The following MGAM2 variants were observed in gnomAD, a reference collection of about 807,000 sequenced individuals.
The protein encoded by MGAM2 is probable maltase-glucoamylase 2.
Under a neutral mutation model 96.1 loss-of-function variants are expected in MGAM2, and 98 were observed. The observed-to-expected ratio is 1.02, with a 90% CI of 0.87 to 1.21. The LOEUF is 1.21. MGAM2 is among the 50% of genes most tolerant of loss of function. The probability of loss-of-function intolerance (pLI) is 0.00; values close to 1 mark genes in which losing one functional copy is unlikely to be tolerated. For synonymous variants in MGAM2, 749 were observed against 414.8 expected (o/e 1.81, Z -9.79); for missense variants, 2,055 against 1,182.4 (o/e 1.74, Z -10.82).
At chr7:142,157,435 A>G (rs1027618823) in intron 17 of MGAM2, among the ~76,000 whole-genome samples, 1 of 149,598 alleles carries the variant, frequency 6.7e-6, no homozygotes, top group African/African-American at 2.5e-5. Context: ...TTCTGTTGCC[A>G]GTTTGGAGTG....
At chr7:142,169,719 C>A (rs1796135148) in intron 26 of MGAM2, among the ~76,000 whole-genome samples, 1 of 151,646 alleles carries the variant, frequency 6.6e-6, no homozygotes, top group Non-Finnish European at 1.5e-5. Flanking sequence ...CATGCATGCA[C>A]ACACACACAC....
At chr7:142,174,160 G>A (rs1297920817) in intron 31 of MGAM2, among the ~76,000 whole-genome samples, 1 of 152,052 alleles carries the variant, frequency 6.6e-6, no homozygotes, top group African/African-American at 2.4e-5. Context: ...TTGGCTATTC[G>A]GGCTCATTTT....
At position 142,218,453 on chromosome 7, in the gene MGAM2, C is replaced by A; in HGVS notation, c.5280C>A (p.Thr1760=). Reference sequence around the variant, plus strand: ...ATATTAGAATCTGGGGTGTGAATACCTATGTGACACAAGTCAGTTTCACCT... The same window carrying A: ...ATATTAGAATCTGGGGTGTGAATACATATGTGACACAAGTCAGTTTCACCT... ...VGYIRIWGVN[T]YVTQVSFTYD... The change falls in exon 47 of 48, where the codon ACC becomes ACA. Residue 1760 remains threonine (T), a synonymous_variant. Coordinates refer to ENST00000477922, the MANE Select transcript of MGAM2 (RefSeq NM_001293626.2). 1.4e-6 allele frequency: 1 copy of A among 702,118 alleles called. No homozygotes were observed. The highest frequency in any genetic ancestry group is 1.5e-5 in the South Asian group (1 of 67,386). The allele number at this position is 702,118 out of a possible 1,614,324, so 43.5% of individuals were successfully genotyped here. A position where few individuals can be genotyped will look rare whatever the true frequency, so the allele number is the denominator to read the frequency against.
intron 2 of MGAM2, among the ~76,000 whole-genome samples, chr7:142,119,246 T>C (rs1794477188): frequency 6.6e-6 from 1 of 152,086 alleles, no homozygotes; most frequent in Admixed American, 6.6e-5. Context: ...AAAAAAGGTT[T>C]CTAAATGAGT....
At chr7:142,219,838 A>G (rs751607734) in intron 47 of MGAM2, 32 bp from the exon 48 acceptor site, 1 of 654,960 alleles carries the variant, frequency 1.5e-6, no homozygotes, top group Non-Finnish European at 2.8e-6. Flanking sequence ...GAAGTTCTAA[A>G]ATACCCATTT....
intron 15 of MGAM2, among the ~76,000 whole-genome samples, chr7:142,152,279 T>A (rs1251535497): frequency 6.6e-6 from 1 of 152,142 alleles, no homozygotes; most frequent in Non-Finnish European, 1.5e-5. Flanking sequence ...TTGGTTTCAC[T>A]CTGTGTAAGC....
rs757848462 is a variant in MGAM2 at position 142,198,611 on chromosome 7, C to T, written c.4924-4C>T. 8.5e-6 allele frequency: 6 copies of T among 702,488 alleles called. No individual in the cohort carries two copies. Among genetic ancestry groups the T allele is most frequent in the South Asian group, 4.4e-5 (3 of 67,498 alleles). 43.5% of individuals were successfully genotyped at this position (702,488 alleles called of 1,614,324 possible). On this transcript the variant is annotated splice_polypyrimidine_tract_variant and splice_region_variant and intron_variant, in intron 43 of 47. Coordinates refer to ENST00000477922, the MANE Select transcript of MGAM2 (RefSeq NM_001293626.2). ...CCATTTTTTGCCTGTATTCTCCTTT[C>T]TAGGGAACTAGCAGCACATCAACAG...
intron 2 of MGAM2, among the ~76,000 whole-genome samples, chr7:142,117,894 A>G (rs574311811): frequency 6.6e-6 from 1 of 151,726 alleles, no homozygotes; most frequent in Admixed American, 6.6e-5. Flanking sequence ...ACCTTAAACC[A>G]CATTCTGATT....
intron 10 of MGAM2, among the ~76,000 whole-genome samples, chr7:142,139,203 G>A (rs1053901366): frequency 6.6e-6 from 1 of 152,158 alleles, no homozygotes; most frequent in Non-Finnish European, 1.5e-5. Flanking sequence ...CTTCATGGTT[G>A]CATCAGTGTT....
At position 142,189,494 on chromosome 7, in the gene MGAM2, ACCCACATACGAGT is replaced by A. The variant is rs1796803471; in HGVS notation, c.4336_4346+2del. The A allele has an allele frequency of 2.4e-6, 2 of 847,254 alleles. No homozygotes were observed. Among genetic ancestry groups the A allele is most frequent in the Admixed American group, 2.2e-5 (1 of 46,298 alleles). 52.5% of individuals were successfully genotyped at this position (847,254 alleles called of 1,614,324 possible). A position where few individuals can be genotyped will look rare whatever the true frequency, so the allele number is the denominator to read the frequency against. ...ACCTGTACGGGTGGTCCCAGACCAGACCCACATACGAGTGAGTGTCTTTTTGTCACAGCAGCAA... is the reference window on the plus strand; with the variant it reads ...ACCTGTACGGGTGGTCCCAGACCAGAGAGTGTCTTTTTGTCACAGCAGCAA... On this transcript the variant is annotated splice_donor_variant and coding_sequence_variant, in exon 37 of 48. Coordinates refer to ENST00000477922, the MANE Select transcript of MGAM2 (RefSeq NM_001293626.2). LOFTEE classifies it high-confidence loss of function.
intron 1 of MGAM2, among the ~76,000 whole-genome samples, chr7:142,114,958 GTAA>G (rs1817336691): frequency 6.6e-6 from 1 of 152,184 alleles, no homozygotes; most frequent in South Asian, 2.1e-4. Flanking sequence ...GGCTCATGCT[GTAA>G]TCCCAGCACT....
intron 12 of MGAM2, among the ~76,000 whole-genome samples, chr7:142,142,182 C>A (rs945512657): frequency 2.9e-4 from 44 of 151,822 alleles, no homozygotes; most frequent in African/African-American, 1.1e-3. Flanking sequence ...TTGATTCTAA[C>A]TTTTCATGAA....
rs192675477 is a variant in MGAM2, at chr7:142,169,294, C to T, written c.3028-781C>T. Reference sequence around the variant, plus strand: ...AAAATTAGCCAGGCCTGGTGGTGCGCACCTGTAGTTCTAGCTACTCAGGAG... The same window carrying T: ...AAAATTAGCCAGGCCTGGTGGTGCGTACCTGTAGTTCTAGCTACTCAGGAG... On this transcript the variant is annotated intron_variant, in intron 26 of 47. Transcript: ENST00000477922. 2.6e-5 allele frequency among the ~76,000 whole-genome samples: 4 copies of T among 152,162 alleles called. No individual in the cohort carries two copies. In the East Asian group the frequency reaches 5.8e-4, roughly 22 times the overall value.
chr7:142,215,432 A>G (rs1051344665), intron 46 of MGAM2, among the ~76,000 whole-genome samples: 1 of 151,680 alleles, frequency 6.6e-6, no homozygotes, highest in Non-Finnish European at 1.5e-5. Context: ...TGTTCTGCAC[A>G]TGTATCCCAG....
rs770839578 is a variant in MGAM2, at chr7:142,132,042, C to A, written c.532C>A (p.Pro178Thr). Residue 178 changes from proline (P) to threonine (T), a missense_variant, in exon 6 of 48, where the codon CCT becomes ACT. By Grantham distance (38) the Pro-to-Thr change is conservative. Coordinates refer to ENST00000477922, the MANE Select transcript of MGAM2 (RefSeq NM_001293626.2). ...CTATTACGTGGAGGTTACTGATAAA[C>A]CTTTCAGCATCAAAATAATGAGGAC... ...LSYYVEVTDK[P>T]FSIKIMRTSN... The A allele has an allele frequency of 2.8e-6, 2 of 703,090 alleles. No homozygotes were observed. The highest frequency in any genetic ancestry group is 3.0e-5 in the South Asian group (2 of 67,574). 43.6% of individuals were successfully genotyped at this position (703,090 alleles called of 1,614,324 possible).
chr7:142,142,523 T>TG (rs1317231305), intron 12 of MGAM2, among the ~76,000 whole-genome samples: 1 of 142,426 alleles, frequency 7.0e-6, no homozygotes, highest in East Asian at 2.0e-4. Context: ...TAGTGGTGTG[T>TG]GTTTTTTTTT....
At chr7:142,196,351 A>G in intron 38 of MGAM2, 64 bp downstream of exon 38, 2 of 674,664 alleles carry the variant, frequency 3.0e-6, no homozygotes, top group South Asian at 1.6e-5. Flanking sequence ...GTGCTGTTCA[A>G]CAGCACTGGT....
chr7:142,146,841 C>T (rs1795401672), intron 14 of MGAM2, among the ~76,000 whole-genome samples: 2 of 151,980 alleles, frequency 1.3e-5, no homozygotes, highest in African/African-American at 4.8e-5. Context: ...GATTCTCCTG[C>T]CTCAGCCTCC....
At chr7:142,154,633 G>A (rs911396373) in intron 16 of MGAM2, 96 bp from the exon 17 acceptor site, 2 of 657,262 alleles carry the variant, frequency 3.0e-6, no homozygotes, top group Admixed American at 2.1e-5. Context: ...GGGATGATGT[G>A]ACAAAGAGGT....
Sources: allele counts gnomAD v4.1 joint callset (sites outside exome capture counted in the v4.1 genomes callset), GRCh38; gene constraint gnomAD v4.1.1; transcripts MANE v1.5; gene names NCBI Gene and HGNC (gene_info 2026-07-23, HGNC 2026-07-21).